USP25: variants seen among roughly 807,000 people sequenced by gnomAD.
USP25 encodes the protein ubiquitin specific peptidase 25.
A neutral mutation model predicts 158.5 loss-of-function variants in USP25; 85 were observed. The observed-to-expected ratio is 0.54, with a 90% CI of 0.45 to 0.64. The LOEUF is 0.64. Ranked by LOEUF, USP25 falls within the 30% of genes least tolerant of loss-of-function variation. USP25 has a pLI of 0.00. For synonymous variants in USP25, 464 were observed against 460.4 expected (o/e 1.01, Z -0.10); for missense variants, 1,242 against 1,327.3 (o/e 0.94, Z 1.00).
chr21:15,731,291 C>T (rs1424723108), intron 1 of USP25, among the ~76,000 whole-genome samples: 1 of 152,074 alleles, frequency 6.6e-6, no homozygotes, highest in Non-Finnish European at 1.5e-5. Context: ...GATTTAACTT[C>T]TTTTTTTAAT....
chr21:15,792,328 ATTCT>A (rs1192608518), intron 5 of USP25, among the ~76,000 whole-genome samples: 1 of 151,622 alleles, frequency 6.6e-6, no homozygotes, highest in Non-Finnish European at 1.5e-5. Context: ...TGTTATCAAA[ATTCT>A]TTATCATTCT....
intron 18 of USP25, among the ~76,000 whole-genome samples, chr21:15,846,508 G>GGTTTT (rs1037833446): frequency 1.3e-4 from 19 of 151,702 alleles, no homozygotes; most frequent in Non-Finnish European, 2.5e-4. Context: ...TGCAGCTATT[G>GGTTTT]GTTTTGTTTT....
intron 3 of USP25, among the ~76,000 whole-genome samples, chr21:15,770,895 G>A (rs2034312683): frequency 6.6e-6 from 1 of 152,208 alleles, no homozygotes; most frequent in Non-Finnish European, 1.5e-5. Flanking sequence ...GGAGAGTGGA[G>A]TGGGAAACAA....
chr21:15,732,574 G>A (rs187880436), intron 1 of USP25, among the ~76,000 whole-genome samples: 198 of 152,268 alleles, frequency 1.3e-3, no homozygotes, highest in Non-Finnish European at 1.4e-3. Context: ...GGAGAGGTGT[G>A]TAGTGTATAT....
intron 5 of USP25, among the ~76,000 whole-genome samples, chr21:15,794,974 TA>T (rs1030980884): frequency 6.6e-6 from 1 of 151,628 alleles, no homozygotes; most frequent in Admixed American, 6.6e-5. Flanking sequence ...GGATATAATT[TA>T]AAATGCTTAT....
chr21:15,829,452 G>A (rs1218955387), intron 14 of USP25, among the ~76,000 whole-genome samples: 1 of 152,128 alleles, frequency 6.6e-6, no homozygotes, highest in East Asian at 1.9e-4. Context: ...CATTCCCACT[G>A]TGTGAGAGAG....
At chr21:15,822,801 A>G (rs958098118) in intron 10 of USP25, among the ~76,000 whole-genome samples, 5 of 151,986 alleles carry the variant, frequency 3.3e-5, no homozygotes, top group African/African-American at 1.2e-4. Context: ...AAAACTTGAG[A>G]TGTTTCTTAT....
chr21:15,814,164 C>A (rs1304391731), intron 9 of USP25, among the ~76,000 whole-genome samples: 1 of 149,272 alleles, frequency 6.7e-6, no homozygotes, highest in East Asian at 2.1e-4. Flanking sequence ...CTGGGGTTTC[C>A]ACTTTTACTT....
At chr21:15,818,217 C>T (rs947943622) in intron 9 of USP25, among the ~76,000 whole-genome samples, 2 of 152,116 alleles carry the variant, frequency 1.3e-5, no homozygotes, top group African/African-American at 4.8e-5. Flanking sequence ...AGACTAAGCT[C>T]CCATTTTTAT....
At chr21:15,859,650 G>C (rs1032607871) in intron 20 of USP25, among the ~76,000 whole-genome samples, 1 of 152,082 alleles carries the variant, frequency 6.6e-6, no homozygotes, top group African/African-American at 2.4e-5. Context: ...GTTTTACAGA[G>C]TCTGTTCAGT....
At chr21:15,825,672 C>G (rs1188986582) in intron 12 of USP25, among the ~76,000 whole-genome samples, 1 of 152,140 alleles carries the variant, frequency 6.6e-6, no homozygotes, top group Admixed American at 6.5e-5. Context: ...GCTGAAATGT[C>G]ACAAGTCATT....
intron 3 of USP25, among the ~76,000 whole-genome samples, chr21:15,771,177 T>C (rs1219209551): frequency 6.6e-6 from 1 of 152,182 alleles, no homozygotes; most frequent in Non-Finnish European, 1.5e-5. Flanking sequence ...CAGTACACAG[T>C]AAACAAACAG....
intron 9 of USP25, among the ~76,000 whole-genome samples, chr21:15,814,337 A>T: frequency 6.6e-6 from 1 of 151,720 alleles, no homozygotes; most frequent in East Asian, 2.0e-4. Flanking sequence ...GGACTAATAC[A>T]GTAAATTGGG....
intron 1 of USP25, among the ~76,000 whole-genome samples, chr21:15,750,135 A>G (rs1052778908): frequency 1.3e-5 from 2 of 151,068 alleles, no homozygotes; most frequent in Non-Finnish European, 2.9e-5. Flanking sequence ...CCAATCACCA[A>G]TGGCCAATGA....
At chr21:15,868,968 G>A (rs1002433534) in intron 22 of USP25, among the ~76,000 whole-genome samples, 20 of 152,154 alleles carry the variant, frequency 1.3e-4, no homozygotes, top group African/African-American at 4.6e-4. Context: ...ATTAAGACTG[G>A]ATGTGGTGGC....
At chr21:15,742,533 C>T (rs781529457) in intron 1 of USP25, among the ~76,000 whole-genome samples, 1 of 152,060 alleles carries the variant, frequency 6.6e-6, no homozygotes, top group South Asian at 2.1e-4. Context: ...TCTTTGTCTT[C>T]GTGTGAGGCC....
chr21:15,854,043 C>T (rs1470718308), intron 20 of USP25, among the ~76,000 whole-genome samples: 2 of 152,076 alleles, frequency 1.3e-5, no homozygotes, highest in Non-Finnish European at 2.9e-5. Flanking sequence ...ATGGTTGCTG[C>T]TTCTGTCTTC....
chr21:15,841,804 TAGGGAACACCC>T lies in USP25; in HGVS notation c.2195-591_2195-581del, dbSNP rs755951901. On this transcript the variant is annotated intron_variant, in intron 17 of 25. Coordinates refer to ENST00000400183, the MANE Select transcript of USP25 (RefSeq NM_001283041.3). ...GTAAGGATTTTGGGCTTGTCTCATC[TAGGGAACACCC>T]AGTGGATGTTCATTGTACATTGTTG... Among the ~76,000 whole-genome samples the T allele has an allele frequency of 1.8e-3, 268 of 152,278 alleles. 2 individuals carry two copies. The highest frequency in any genetic ancestry group is 3.8e-4 in the Non-Finnish European group (26 of 68,004).
chr21:15,793,640 A>G (rs1222930253), intron 5 of USP25, among the ~76,000 whole-genome samples: 1 of 151,536 alleles, frequency 6.6e-6, no homozygotes, highest in Non-Finnish European at 1.5e-5. Flanking sequence ...GGTGAAATCT[A>G]AACATCTAGG....
Sources: allele counts gnomAD v4.1 joint callset (sites outside exome capture counted in the v4.1 genomes callset), GRCh38; gene constraint gnomAD v4.1.1; transcripts MANE v1.5; gene names NCBI Gene and HGNC (gene_info 2026-07-23, HGNC 2026-07-21).